NELFB: variants seen among roughly 807,000 people sequenced by gnomAD.
The protein encoded by NELFB is negative elongation factor complex member B, also known as negative elongation factor B.
In NELFB, 34 loss-of-function variants were observed where a neutral mutation model predicts 60.2. The observed-to-expected ratio is 0.56, with a 90% CI of 0.43 to 0.75. The LOEUF (loss-of-function observed/expected upper bound fraction) is 0.75. Among genes scored for constraint, NELFB ranks in the 30% least tolerant of loss-of-function variants. The pLI is 0.00. For synonymous variants in NELFB, 459 were observed against 382.1 expected, an observed-to-expected ratio of 1.20 and a Z score of -2.35; for missense variants, 770 against 831.6, an observed-to-expected ratio of 0.93 and a Z score of 0.91.
chr9:137,260,680 T>C lies in NELFB; in HGVS notation c.742-2357T>C, dbSNP rs954653191. On this transcript the variant is annotated intron_variant, in intron 4 of 12. Coordinates refer to ENST00000343053, the MANE Select transcript of NELFB (RefSeq NM_015456.5). ...GTTGGCCAGGCTGTTCTCGAACTCC[T>C]GGCCTCAGGTAGTCCACCCACCTTG... is the stretch of plus-strand genomic sequence containing the variant. 3.8e-4 allele frequency among the ~76,000 whole-genome samples: 58 copies of C among 151,994 alleles called. No individual in the cohort carries two copies. The Middle Eastern group carries it at 0.02, about 53-fold the overall frequency.
chr9:137,272,341 C>T, intron 11 of NELFB, 119 bp downstream of exon 11: 1 of 1,513,690 alleles, frequency 6.6e-7, no homozygotes, highest in South Asian at 1.2e-5. Context: ...GTCTGTTGGG[C>T]ACCAGGGCTC....
intron 10 of NELFB, among the ~76,000 whole-genome samples, chr9:137,271,204 C>G (rs1162948645): frequency 2.6e-5 from 4 of 152,400 alleles, no homozygotes; most frequent in African/African-American, 9.6e-5. Context: ...TGTCCCGTGG[C>G]CACCTGGCCA....
intron 2 of NELFB, 65 bp from the exon 3 acceptor site, chr9:137,256,264 G>T: frequency 6.7e-7 from 1 of 1,502,528 alleles, no homozygotes; most frequent in South Asian, 1.1e-5. Flanking sequence ...ATCTGTGTAG[G>T]GACAGGCAGG....
At chr9:137,261,381 A>AG (rs1279765326) in intron 4 of NELFB, among the ~76,000 whole-genome samples, 2 of 141,558 alleles carry the variant, frequency 1.4e-5, no homozygotes, top group African/African-American at 5.3e-5. Flanking sequence ...AAACTGGGTC[A>AG]GGTGTGTGGC....
At chr9:137,267,822 T>G (rs73567761) in intron 10 of NELFB, among the ~76,000 whole-genome samples, 130 of 152,320 alleles carry the variant, frequency 8.5e-4, no homozygotes, top group Middle Eastern at 3.4e-3. Flanking sequence ...GTTTGTAGTT[T>G]ATTTTACTAG....
In NELFB at chr9:137,260,154, G is replaced by A. The variant is rs368326241; in HGVS notation, c.742-2883G>A. Among the ~76,000 whole-genome samples, 649 of 145,186 alleles carry A rather than the reference G, an allele frequency of 4.5e-3. 4 individuals are homozygous for A. The highest frequency in any genetic ancestry group is 0.019 in the East Asian group (89 of 4,694). ...AAGCTCCGCCTCCCGGGTTCACTCC[G>A]TTCTCCTGCCTCAGCCTCCCGAGTG... On this transcript the variant is annotated intron_variant, in intron 4 of 12. Transcript: ENST00000343053.
chr9:137,266,265 G>A (rs1413380129), intron 7 of NELFB, 66 bp from the exon 8 acceptor site: 1 of 1,412,302 alleles, frequency 7.1e-7, no homozygotes, highest in Admixed American at 1.9e-5. Context: ...AACGAGTAGG[G>A]TCAGAGGAGC....
intron 6 of NELFB, among the ~76,000 whole-genome samples, chr9:137,264,592 A>G (rs887815579): frequency 6.6e-6 from 1 of 152,120 alleles, no homozygotes; most frequent in African/African-American, 2.4e-5. Flanking sequence ...CAGCCTCCCA[A>G]GTAGCTGGGA....
chr9:137,265,633 C>T (rs1179485102), intron 6 of NELFB, among the ~76,000 whole-genome samples: 1 of 151,630 alleles, frequency 6.6e-6, no homozygotes, highest in Non-Finnish European at 1.5e-5. Context: ...GGTGATCCAT[C>T]CGCCTCGGCC....
chr9:137,257,312 T>C (rs1482808138), intron 4 of NELFB, among the ~76,000 whole-genome samples: 1 of 152,216 alleles, frequency 6.6e-6, no homozygotes, highest in Non-Finnish European at 1.5e-5. Flanking sequence ...CATGTGAAGT[T>C]AATCCCCCCT....
chr9:137,268,994 C>T (rs1830551740), intron 10 of NELFB, among the ~76,000 whole-genome samples: 1 of 152,116 alleles, frequency 6.6e-6, no homozygotes, highest in Non-Finnish European at 1.5e-5. Flanking sequence ...GTGCTAACAG[C>T]GAGAACGCTT....
intron 4 of NELFB, among the ~76,000 whole-genome samples, chr9:137,258,022 C>A (rs1307522912): frequency 1.3e-5 from 2 of 151,196 alleles, no homozygotes; most frequent in African/African-American, 4.9e-5. Context: ...TCAGGCTGGT[C>A]TTGAACTCCT....
intron 4 of NELFB, 109 bp from the exon 5 acceptor site, chr9:137,262,928 A>G: frequency 8.5e-7 from 1 of 1,179,190 alleles, no homozygotes; most frequent in Non-Finnish European, 1.2e-6. Flanking sequence ...GCCAAAAAGT[A>G]GGAAGGACAG....
intron 12 of NELFB, 56 bp from the exon 13 acceptor site, chr9:137,272,726 G>A (rs1830599020): frequency 6.6e-7 from 1 of 1,520,454 alleles, no homozygotes; most frequent in Admixed American, 2.1e-5. Context: ...ACCCACCCCT[G>A]TGCCCCCTGG....
At chr9:137,255,756 C>T (rs1377290659) in intron 1 of NELFB, 145 bp downstream of exon 1, 5 of 1,452,092 alleles carry the variant, frequency 3.4e-6, no homozygotes, top group East Asian at 2.3e-5. Flanking sequence ...GGAGCCAGCA[C>T]CCCTTTGCTG....
chr9:137,259,134 T>C (rs1263988491), intron 4 of NELFB, among the ~76,000 whole-genome samples: 3 of 151,926 alleles, frequency 2.0e-5, no homozygotes, highest in Non-Finnish European at 4.4e-5. Context: ...GAGGCTGCAG[T>C]GAGGTATGAT....
intron 10 of NELFB, among the ~76,000 whole-genome samples, chr9:137,268,728 GACAGACAGAC>G (rs1830548846): frequency 6.6e-6 from 1 of 152,194 alleles, no homozygotes; most frequent in Non-Finnish European, 1.5e-5. Context: ...GGGCAGGGGA[GACAGACAGAC>G]ACAGACAGAG....
At chr9:137,265,186 A>G (rs1294224089) in intron 6 of NELFB, among the ~76,000 whole-genome samples, 3 of 149,896 alleles carry the variant, frequency 2.0e-5, no homozygotes, top group Non-Finnish European at 4.4e-5. Context: ...CGCCTGGCCG[A>G]TTTTTGTTAT....
chr9:137,264,488 CAG>C (rs1830495549), intron 6 of NELFB, 131 bp downstream of exon 6: 3 of 700,592 alleles, frequency 4.3e-6, no homozygotes, highest in East Asian at 2.8e-5. Context: ...TTTTTCGAGA[CAG>C]AGTCTCGTTC....
Sources: allele counts gnomAD v4.1 joint callset (sites outside exome capture counted in the v4.1 genomes callset), GRCh38; gene constraint gnomAD v4.1.1; transcripts MANE v1.5; gene names NCBI Gene and HGNC (gene_info 2026-07-23, HGNC 2026-07-21).